Variants in ADAMTS2 observed in about 807,000 individuals in gnomAD.
ADAMTS2 encodes A disintegrin and metalloproteinase with thrombospondin motifs 2.
In ADAMTS2, 50 loss-of-function variants were observed where a neutral mutation model predicts 123.0. The observed-to-expected ratio is 0.41, with a 90% CI of 0.32 to 0.51. The LOEUF (loss-of-function observed/expected upper bound fraction) is 0.51, where lower values mean the gene tolerates loss of function less well. Among genes scored for constraint, ADAMTS2 ranks in the 20% least tolerant of loss-of-function variants. The pLI is 0.35. For missense variants in ADAMTS2, 1,494 were observed against 1,705.2 expected (o/e 0.88, Z 2.18); for synonymous variants, 678 against 695.4 (o/e 0.98, Z 0.39).
At chr5:179,176,558 C>T (rs921009500) in intron 5 of ADAMTS2, among the ~76,000 whole-genome samples, 8 of 152,192 alleles carry the variant, frequency 5.3e-5, no homozygotes, top group African/African-American at 1.7e-4. Flanking sequence ...GTGCCACATC[C>T]TCTCGAAGTG....
chr5:179,138,083 G>A (rs892895488), intron 11 of ADAMTS2, 139 bp from the exon 12 acceptor site: 1 of 944,918 alleles, frequency 1.1e-6, no homozygotes, highest in South Asian at 1.5e-5. Flanking sequence ...AAGGGACCTT[G>A]CCCTGCCATG....
At position 179,113,625 on chromosome 5, in the gene ADAMTS2, C is replaced by T. The variant is rs922492813; in HGVS notation, c.*242G>A. ...GGGAGGCCATACAGCCTCTATATTC[C>T]TCTCCACTGCACACCTGACGCCACC... On this transcript the variant is annotated 3_prime_UTR_variant, in exon 22 of 22. Coordinates refer to ENST00000251582, the MANE Select transcript of ADAMTS2 (RefSeq NM_014244.5). The T allele has an allele frequency of 9.0e-6, 5 of 556,938 alleles. No homozygotes were observed. Among genetic ancestry groups the T allele is most frequent in the Non-Finnish European group, 1.6e-5 (5 of 312,072 alleles). 34.5% of individuals were successfully genotyped at this position (556,938 alleles called of 1,614,324 possible).
intron 3 of ADAMTS2, among the ~76,000 whole-genome samples, chr5:179,209,594 G>A (rs949000616): frequency 6.9e-6 from 1 of 144,694 alleles, no homozygotes; most frequent in African/African-American, 2.7e-5. Flanking sequence ...ACACACACAG[G>A]CACACACACA....
intron 2 of ADAMTS2, among the ~76,000 whole-genome samples, chr5:179,338,146 G>A (rs1478828372): frequency 6.6e-6 from 1 of 152,184 alleles, no homozygotes; most frequent in Non-Finnish European, 1.5e-5. Context: ...CTCAGGGAGA[G>A]CTGGCCTTGC....
chr5:179,270,986 C>T (rs1766516950), intron 3 of ADAMTS2, among the ~76,000 whole-genome samples: 1 of 152,234 alleles, frequency 6.6e-6, no homozygotes, highest in South Asian at 2.1e-4. Flanking sequence ...TCCTCCCCGA[C>T]AGCCCATTAC....
In ADAMTS2 at chr5:179,162,553, C is replaced by A. The variant is rs186478199; in HGVS notation, c.976-3674G>T. Among the ~76,000 whole-genome samples the A allele has an allele frequency of 3.8e-4, 58 of 152,198 alleles. No individual in the cohort carries two copies. Among genetic ancestry groups the A allele is most frequent in the Non-Finnish European group, 1.8e-4 (12 of 68,030 alleles). ...CCCAGCTGAGCTGTTGCACACCATA[C>A]CGTATGGGCCCCTCCTGGGGCCGTC... On this transcript the variant is annotated intron_variant, in intron 5 of 21. Coordinates refer to ENST00000251582, the MANE Select transcript of ADAMTS2 (RefSeq NM_014244.5). This position sits in a 1 kb window ranked among gnomAD's most constrained non-coding sequence, Gnocchi z 5.1.
At chr5:179,145,342 T>C (rs930457207) in intron 10 of ADAMTS2, among the ~76,000 whole-genome samples, 8 of 152,134 alleles carry the variant, frequency 5.3e-5, no homozygotes, top group Admixed American at 5.2e-4. Flanking sequence ...AACATGGAGT[T>C]ACCATAAAAT....
In ADAMTS2 at chr5:179,115,100, T is replaced by C. The variant is rs1762636850; in HGVS notation, c.3179-776A>G. On this transcript the variant is annotated intron_variant, in intron 21 of 21. Transcript: ENST00000251582. The surrounding 1 kb of genome is among the most constrained non-coding windows in gnomAD (Gnocchi z 4.4). ...ATTAATCGTTCCACCCTGCACATCT[T>C]TCTCTTTCCTTTCCACCCAAGAAAC... Among the ~76,000 whole-genome samples, 1 of 152,124 alleles carries C rather than the reference T, an allele frequency of 6.6e-6. No homozygotes were observed.
Position 179,143,360 on chromosome 5 carries a change from G to A in ADAMTS2, c.1630-3325C>T, listed in dbSNP as rs531484951. ...AGACAGGAGAATCTCTTGAACCCGG[G>A]AGGTGGAGGTTGCAGTGAGCTGAGA... On this transcript the variant is annotated intron_variant, in intron 10 of 21. Coordinates refer to ENST00000251582, the MANE Select transcript of ADAMTS2 (RefSeq NM_014244.5). 1.1e-4 allele frequency among the ~76,000 whole-genome samples: 17 copies of A among 151,954 alleles called. No individual in the cohort carries two copies. The South Asian group carries it at 3.5e-3, about 31-fold the overall frequency.
intron 5 of ADAMTS2, among the ~76,000 whole-genome samples, chr5:179,173,482 G>A (rs1763867894): frequency 6.6e-6 from 1 of 152,118 alleles, no homozygotes; most frequent in African/African-American, 2.4e-5. Context: ...CATTAAACAT[G>A]TTTCGAAAAT....
chr5:179,247,873 TA>T (rs1666335360), intron 3 of ADAMTS2, among the ~76,000 whole-genome samples: 2 of 152,128 alleles, frequency 1.3e-5, no homozygotes, highest in Non-Finnish European at 2.9e-5. Flanking sequence ...CAATAAGTGT[TA>T]AAGAAAGTCC....
Position 179,345,040 on chromosome 5 carries a change from G to C in ADAMTS2, c.139+150C>G. The C allele has an allele frequency of 4.0e-6, 2 of 504,400 alleles. No homozygotes were observed. Among genetic ancestry groups the C allele is most frequent in the Non-Finnish European group, 5.3e-6 (2 of 379,916 alleles). 31.2% of individuals were successfully genotyped at this position (504,400 alleles called of 1,614,324 possible). On this transcript the variant is annotated intron_variant, in intron 1 of 21. Coordinates refer to ENST00000251582, the MANE Select transcript of ADAMTS2 (RefSeq NM_014244.5). The surrounding 1 kb of genome is among the most constrained non-coding windows in gnomAD (Gnocchi z 7.5). ...GGGGCGCCCCCTGCGCGACCAACCC[G>C]GCCCCGAAGTTGGCCAACTTGGCCC...
intron 3 of ADAMTS2, among the ~76,000 whole-genome samples, chr5:179,270,583 C>T (rs1766503820): frequency 6.6e-6 from 1 of 152,196 alleles, no homozygotes; most frequent in Non-Finnish European, 1.5e-5. Context: ...AGGCTGTGCC[C>T]CTCACTATGC....
In ADAMTS2 at chr5:179,158,733, G is replaced by A. The variant is rs145109914; in HGVS notation, c.1122C>T (p.Ser374=). Residue 374 remains serine (S), a synonymous_variant, in exon 6 of 22, where the codon TCC becomes TCT. Coordinates refer to ENST00000251582, the MANE Select transcript of ADAMTS2 (RefSeq NM_014244.5). The surrounding 1 kb of genome is among the most constrained non-coding windows in gnomAD (Gnocchi z 5.0). ...ATGGGTGAGGCTCACCTTGCATGCCGGAAGGCCCAAAGTCCTGCCGTGTGA... is the reference window on the plus strand; with the variant it reads ...ATGGGTGAGGCTCACCTTGCATGCCAGAAGGCCCAAAGTCCTGCCGTGTGA... The part of the protein sequence containing the change: ...IFLTRQDFGP[S]GMQGYAPVTG... 2.1e-4 allele frequency: 347 copies of A among 1,614,178 alleles called. No homozygotes were observed. The African/African-American group carries it at 3.8e-3, about 18-fold the overall frequency.
intron 3 of ADAMTS2, among the ~76,000 whole-genome samples, chr5:179,208,662 A>G (rs1008273388): frequency 2.0e-5 from 3 of 152,174 alleles, no homozygotes; most frequent in African/African-American, 7.2e-5. Flanking sequence ...TGCCCGTCTG[A>G]AGGCCACAGC....
intron 2 of ADAMTS2, among the ~76,000 whole-genome samples, chr5:179,321,310 G>A (rs1209664149): frequency 6.6e-6 from 1 of 151,978 alleles, no homozygotes; most frequent in Non-Finnish European, 1.5e-5. Context: ...CACACCCTCC[G>A]CAGCTGATGT....
intron 2 of ADAMTS2, among the ~76,000 whole-genome samples, chr5:179,313,800 ACACT>A (rs779141204): frequency 3.5e-5 from 1 of 28,748 alleles, no homozygotes; most frequent in Non-Finnish European, 9.3e-5. Context: ...ATGCACACAC[ACACT>A]CACACCGAGA....
At chr5:179,199,591 G>A (rs1013327817) in intron 4 of ADAMTS2, among the ~76,000 whole-genome samples, 1 of 152,168 alleles carries the variant, frequency 6.6e-6, no homozygotes, top group Non-Finnish European at 1.5e-5. Flanking sequence ...GGGGTGGCAG[G>A]AAGCTCTCAG....
rs200753286 is a variant in ADAMTS2 at position 179,223,454 on chromosome 5, ACT to A, written c.689-15741_689-15740del. ...CACACGAACGCACTCACACACGCAC[ACT>A]CACACACGAATGCACTCACACACAA... On this transcript the variant is annotated intron_variant, in intron 3 of 21. Transcript: ENST00000251582. 7.2e-3 allele frequency among the ~76,000 whole-genome samples: 1,086 copies of A among 150,028 alleles called. 6 individuals are homozygous for A. The highest frequency in any genetic ancestry group is 0.011 in the Non-Finnish European group (775 of 67,802).
Sources: allele counts gnomAD v4.1 joint callset (sites outside exome capture counted in the v4.1 genomes callset), GRCh38; gene constraint gnomAD v4.1.1; non-coding constraint Gnocchi (gnomAD v3.1); transcripts MANE v1.5; gene names NCBI Gene and HGNC (gene_info 2026-07-23, HGNC 2026-07-21).